WRAP73: variants seen among roughly 807,000 people sequenced by gnomAD.
WRAP73 encodes WD repeat-containing protein WRAP73.
WRAP73 carries 55 observed loss-of-function variants against 59.6 expected under a neutral mutation model. The ratio of observed to expected loss-of-function variants is 0.92; its 90% CI spans 0.74 to 1.15. The LOEUF is 1.15. Ranked by LOEUF, WRAP73 falls within the 50% of genes most tolerant of loss-of-function variation. The pLI is 0.00. For missense variants in WRAP73, 592 were observed against 608.1 expected, an observed-to-expected ratio of 0.97 and a Z score of 0.28; for synonymous variants, 265 against 258.2, an observed-to-expected ratio of 1.03 and a Z score of -0.25.
Position 3,632,086 on chromosome 1 carries a change from T to G in WRAP73, c.1048+127A>C, listed in dbSNP as rs1316208085. ...GAGCTTCTGTGAGCACCTCGGCTAC[T>G]GCAGAAACGTGAAAGGAGGTGACGT... On this transcript the variant is annotated intron_variant, in intron 10 of 11. Coordinates refer to ENST00000270708, the MANE Select transcript of WRAP73 (RefSeq NM_017818.4). 4.0e-6 allele frequency: 6 copies of G among 1,500,660 alleles called. No homozygotes were observed. The East Asian group carries it at 1.4e-4, about 34-fold the overall frequency. 93.0% of individuals were successfully genotyped at this position (1,500,660 alleles called of 1,614,324 possible).
In WRAP73 at chr1:3,640,291, C is replaced by A. The variant is rs77421722; in HGVS notation, c.340-1469G>T. On this transcript the variant is annotated intron_variant, in intron 3 of 11. Transcript: ENST00000270708. ...GCCAAGGAGGGCGCTGGGGCCTGAG[C>A]GAGGAAGCGTGCTACTTCCCACCAG... 5.9e-5 allele frequency among the ~76,000 whole-genome samples: 9 copies of A among 152,286 alleles called. No individual in the cohort carries two copies. The East Asian group carries it at 1.7e-3, about 29-fold the overall frequency.
intron 8 of WRAP73, 69 bp downstream of exon 8, chr1:3,634,928 G>T: frequency 1.9e-6 from 3 of 1,550,758 alleles, no homozygotes; most frequent in Non-Finnish European, 2.7e-6. Context: ...AGAAAGCAAA[G>T]TGAAGGAGCA....
chr1:3,637,011 T>C lies in WRAP73; in HGVS notation c.500A>G (p.Asp167Gly), dbSNP rs1399984188. Residue 167 changes from aspartate (D) to glycine (G), a missense_variant, in exon 5 of 12, where the codon GAT becomes GGT. Coordinates refer to ENST00000270708, the MANE Select transcript of WRAP73 (RefSeq NM_017818.4). ...ACGCCTTACCCGCAGGAGCTGCCAA[T>C]CACTGCAGACGAAGATGCTCACGTA... ...KDYVSIFVCS[D>G]WQLLRHFDTD... is the part of the protein sequence containing the mutation. 6.2e-7 allele frequency: 1 copy of C among 1,613,648 alleles called. No individual in the cohort carries two copies. Among genetic ancestry groups the C allele is most frequent in the Non-Finnish European group, 8.5e-7 (1 of 1,179,994 alleles).
In WRAP73 at chr1:3,639,042, T is replaced by C; in HGVS notation, c.340-220A>G. The C allele has an allele frequency of 1.9e-6, 1 of 530,136 alleles. No homozygotes were observed. The highest frequency in any genetic ancestry group is 3.3e-6 in the Non-Finnish European group (1 of 304,868). 32.8% of individuals were successfully genotyped at this position (530,136 alleles called of 1,614,324 possible). On this transcript the variant is annotated intron_variant, in intron 3 of 11. Coordinates refer to ENST00000270708, the MANE Select transcript of WRAP73 (RefSeq NM_017818.4). This position sits in a 1 kb window ranked among gnomAD's most constrained non-coding sequence, Gnocchi z 4.3. ...GTTCTTGGTTTTCTGTTGTTGTTGT[T>C]TTATACCAAAATTGAGTGACACAAA...
Position 3,632,599 on chromosome 1 carries a change from G to T in WRAP73, c.923-261C>A, listed in dbSNP as rs183098419. 90 of 507,732 alleles carry T rather than the reference G, an allele frequency of 1.8e-4. No individual in the cohort carries two copies. In the East Asian group the frequency reaches 3.3e-3, roughly 19 times the overall value. The allele number at this position is 507,732 out of a possible 1,614,324, so 31.5% of individuals were successfully genotyped here. A position where few individuals can be genotyped will look rare whatever the true frequency, so the allele number is the denominator to read the frequency against. On this transcript the variant is annotated intron_variant, in intron 9 of 11. Transcript: ENST00000270708. ...GGGGGGTGGACCCCACGTGCCAGGGGCTGACTGGAGAGGGACATGGACAGG... is the reference window on the plus strand; with the variant it reads ...GGGGGGTGGACCCCACGTGCCAGGGTCTGACTGGAGAGGGACATGGACAGG...
chr1:3,635,778 A>C, intron 6 of WRAP73, 166 bp downstream of exon 6: 1 of 625,088 alleles, frequency 1.6e-6, no homozygotes, highest in Middle Eastern at 2.7e-4. Context: ...CCGTGATCAC[A>C]CCACTGCACT....
rs1000133295 is a variant in WRAP73 at position 3,638,839 on chromosome 1, G to A, written c.340-17C>T. 6.2e-7 allele frequency: 1 copy of A among 1,613,546 alleles called. No homozygotes were observed. Among genetic ancestry groups the A allele is most frequent in the East Asian group, 2.2e-5 (1 of 44,870 alleles). On this transcript the variant is annotated splice_polypyrimidine_tract_variant and intron_variant, in intron 3 of 11. Transcript: ENST00000270708. Reference sequence around the variant, plus strand: ...TATCCGCAGCTGTTGGGGGAAAGGGGAAAGAGAAAGGAAACACTTCTTTAG... The same window carrying A: ...TATCCGCAGCTGTTGGGGGAAAGGGAAAAGAGAAAGGAAACACTTCTTTAG...
At position 3,631,482 on chromosome 1, in the gene WRAP73, CACCG is replaced by C; in HGVS notation, c.1220_1223del (p.Ser407CysfsTer18). On this transcript the variant is annotated frameshift_variant, in exon 11 of 12. Coordinates refer to ENST00000270708, the MANE Select transcript of WRAP73 (RefSeq NM_017818.4). LOFTEE classifies it high-confidence loss of function. ...TGTGCTTACCTTCCCCAGGCACCTG[CACCG>C]ACATGCAGCCCGCTGGGGACCACAG... The C allele has an allele frequency of 1.2e-6, 2 of 1,602,088 alleles. No homozygotes were observed. Among genetic ancestry groups the C allele is most frequent in the Non-Finnish European group, 1.7e-6 (2 of 1,174,566 alleles).
In WRAP73 at chr1:3,633,443, G is replaced by T; in HGVS notation, c.877C>A (p.Pro293Thr). Residue 293 changes from proline (P) to threonine (T), a missense_variant, in exon 9 of 12, where the codon CCG becomes ACG. Coordinates refer to ENST00000270708, the MANE Select transcript of WRAP73 (RefSeq NM_017818.4). ...QLGLGCLSFP[P>T]PRAGAGPLPS... The stretch of plus-strand genomic sequence containing the variant: ...AGAGGGCCGGCCCCGGCCCGGGGCG[G>T]CGGGAAGGAGAGGCAGCCCAGTCCC... 1 of 1,612,530 alleles carries T rather than the reference G, an allele frequency of 6.2e-7. No homozygotes were observed. The highest frequency in any genetic ancestry group is 1.1e-5 in the South Asian group (1 of 91,034).
At chr1:3,649,162 C>T (rs1644716822) in intron 1 of WRAP73, among the ~76,000 whole-genome samples, 1 of 152,220 alleles carries the variant, frequency 6.6e-6, no homozygotes, top group African/African-American at 2.4e-5. Context: ...TCCCTCTCTT[C>T]TGAGGATATA....
intron 6 of WRAP73, chr1:3,635,558 C>G: frequency 1.9e-6 from 1 of 536,964 alleles, no homozygotes; most frequent in Non-Finnish European, 3.3e-6. Context: ...CTGTGGCTCA[C>G]GCCTGTAATC....
chr1:3,645,915 A>G (rs1166623859), intron 3 of WRAP73, among the ~76,000 whole-genome samples: 1 of 152,230 alleles, frequency 6.6e-6, no homozygotes, highest in African/African-American at 2.4e-5. Flanking sequence ...GAAAGGTGCG[A>G]GCCGGCTCAT....
intron 3 of WRAP73, among the ~76,000 whole-genome samples, chr1:3,640,098 G>A (rs1644624877): frequency 6.6e-6 from 1 of 152,354 alleles, no homozygotes; most frequent in East Asian, 1.9e-4. Context: ...CAGGAGAGAA[G>A]TCCTGAACAC....
At chr1:3,645,406 C>A (rs1315648558) in intron 3 of WRAP73, among the ~76,000 whole-genome samples, 46 of 128,820 alleles carry the variant, frequency 3.6e-4, no homozygotes, top group African/African-American at 1.3e-3. Flanking sequence ...GGCGGGTTGC[C>A]CCGTGGTGTG....
Position 3,638,761 on chromosome 1 carries a change from G to A in WRAP73, c.401C>T (p.Ala134Val). The A allele has an allele frequency of 1.2e-6, 2 of 1,614,170 alleles. No individual in the cohort carries two copies. Among genetic ancestry groups the A allele is most frequent in the South Asian group, 1.1e-5 (1 of 91,082 alleles). The change falls in exon 4 of 12, where the codon GCT becomes GTT. Residue 134 changes from alanine to valine, a missense_variant. Physicochemically the swap from Ala to Val is moderately conservative, Grantham distance 64. Coordinates refer to ENST00000270708, the MANE Select transcript of WRAP73 (RefSeq NM_017818.4). The stretch of plus-strand genomic sequence containing the variant: ...TCCGATCGACTCACCCTGCAGACAA[G>A]CTTTCGGGTATTTGATGTAAGACAC... Reference protein sequence around the residue: ...KSVSYIKYPKACLQGITFTRD... With the variant: ...KSVSYIKYPKVCLQGITFTRD...
Position 3,631,092 on chromosome 1 carries a change from G to A in WRAP73, c.1266C>T (p.Cys422=). ...GEGDFAVLSL[C]WHLSGDSMAL... ...CCATCGAGTCTCCGCTTAAATGCCA[G>A]CACAGAGAGAGCACTGCAAAGTCGC... The change falls in exon 12 of 12, where the codon TGC becomes TGT. Residue 422 remains cysteine (C), a synonymous_variant. Transcript: ENST00000270708. The A allele has an allele frequency of 6.2e-7, 1 of 1,613,366 alleles. No homozygotes were observed.
At chr1:3,640,893 G>C (rs954380158) in intron 3 of WRAP73, among the ~76,000 whole-genome samples, 1 of 152,228 alleles carries the variant, frequency 6.6e-6, no homozygotes, top group Non-Finnish European at 1.5e-5. Context: ...CTGTGGCCCT[G>C]CATCCCTGTG....
Position 3,635,218 on chromosome 1 carries a change from T to C in WRAP73, c.680A>G (p.Lys227Arg). 3 of 1,614,082 alleles carry C rather than the reference T, an allele frequency of 1.9e-6. No individual in the cohort carries two copies. Among genetic ancestry groups the C allele is most frequent in the South Asian group, 1.1e-5 (1 of 91,090 alleles). Residue 227 changes from lysine (K) to arginine (R), a missense_variant, in exon 7 of 12, where the codon AAG becomes AGG. Physicochemically the swap from Lys to Arg is conservative, Grantham distance 26. Coordinates refer to ENST00000270708, the MANE Select transcript of WRAP73 (RefSeq NM_017818.4). ...ACTGCTGGGGCTCCAGGCCACAGAC[T>C]TGATGCCCAGGGACCACTCGTAAGC... ...YSAYEWSLGIKSVAWSPSSQF... is the reference protein window; with the variant it reads ...YSAYEWSLGIRSVAWSPSSQF...
intron 5 of WRAP73, 84 bp downstream of exon 5, chr1:3,636,911 C>T: frequency 7.3e-7 from 1 of 1,371,100 alleles, no homozygotes; most frequent in South Asian, 1.2e-5. Context: ...TACCAAAGAT[C>T]CCCTGGAATC....
Sources: allele counts gnomAD v4.1 joint callset (sites outside exome capture counted in the v4.1 genomes callset), GRCh38; gene constraint gnomAD v4.1.1; non-coding constraint Gnocchi (gnomAD v3.1); transcripts MANE v1.5; gene names NCBI Gene and HGNC (gene_info 2026-07-23, HGNC 2026-07-21).